Variants in ABCC2 observed in about 807,000 individuals in gnomAD.
ABCC2 encodes ATP-binding cassette sub-family C member 2.
In ABCC2, 157 loss-of-function variants were observed where a neutral mutation model predicts 173.4. The observed-to-expected ratio is 0.91, with a 90% CI of 0.80 to 1.03. The LOEUF is 1.03. Ranked by LOEUF, ABCC2 falls within the 50% of genes least tolerant of loss-of-function variation. The pLI is 0.00. For missense variants in ABCC2, 1,822 were observed against 1,852.3 expected, an observed-to-expected ratio of 0.98 and a Z score of 0.30; for synonymous variants, 657 against 693.5, an observed-to-expected ratio of 0.95 and a Z score of 0.83.
chr10:99,801,080 G>T (rs1318292811), intron 9 of ABCC2, among the ~76,000 whole-genome samples: 1 of 152,106 alleles, frequency 6.6e-6, no homozygotes, highest in Non-Finnish European at 1.5e-5. Context: ...AACCTTTAGT[G>T]CTAACCTAAA....
chr10:99,844,671 G>A (rs561376690), intron 28 of ABCC2, among the ~76,000 whole-genome samples: 2 of 152,192 alleles, frequency 1.3e-5, no homozygotes, highest in East Asian at 3.9e-4. Flanking sequence ...CGCAGCTGTC[G>A]GGGCCTTCTG....
In ABCC2 at chr10:99,797,328, C is replaced by T; in HGVS notation, c.864C>T (p.Val288=). ...KNQSQSQDAL[V]LEDVEKKKKK... is the part of the protein sequence containing the mutation. ...AGAGTCAAAGCCAAGATGCCCTTGT[C>T]CTGGTAACTTTCCCTTGAGTGTCTG... Residue 288 remains valine, a synonymous_variant, in exon 7 of 32, where the codon GTC becomes GTT. Transcript: ENST00000647814. The T allele has an allele frequency of 2.5e-6, 4 of 1,610,998 alleles. No individual in the cohort carries two copies. The highest frequency in any genetic ancestry group is 3.4e-6 in the Non-Finnish European group (4 of 1,178,670).
chr10:99,813,502 G>A (rs978210898), intron 16 of ABCC2, among the ~76,000 whole-genome samples: 11 of 152,296 alleles, frequency 7.2e-5, no homozygotes, highest in Non-Finnish European at 1.3e-4. Context: ...GATCACCTGA[G>A]GTCAGGAGTT....
intron 2 of ABCC2, among the ~76,000 whole-genome samples, chr10:99,787,693 TA>T (rs1186588768): frequency 1.0e-5 from 1 of 98,578 alleles, no homozygotes; most frequent in Non-Finnish European, 2.2e-5. Context: ...ATCACTTCCT[TA>T]TTTTTTAATG....
intron 14 of ABCC2, 66 bp from the exon 15 acceptor site, chr10:99,811,470 G>A (rs2038211797): frequency 5.4e-6 from 8 of 1,485,470 alleles, no homozygotes; most frequent in African/African-American, 2.8e-5. Flanking sequence ...AGCGGAGAGA[G>A]ACACGTGAGG....
chr10:99,797,066 G>T, intron 6 of ABCC2, 31 bp from the exon 7 acceptor site: 3 of 1,599,602 alleles, frequency 1.9e-6, no homozygotes, highest in Middle Eastern at 1.7e-4. Context: ...CCAGCCTGGG[G>T]GTCTCAGCCT....
intron 11 of ABCC2, among the ~76,000 whole-genome samples, chr10:99,806,717 G>T (rs1590156454): frequency 1.3e-5 from 2 of 152,178 alleles, no homozygotes; most frequent in African/African-American, 4.8e-5. Flanking sequence ...AAAAATGCTT[G>T]CTTCTTTCCC....
chr10:99,817,585 T>C, intron 17 of ABCC2, 101 bp downstream of exon 17: 1 of 1,287,512 alleles, frequency 7.8e-7, no homozygotes, highest in Non-Finnish European at 1.1e-6. Flanking sequence ...AGTTGATTAA[T>C]TTAGGTAGTC....
intron 16 of ABCC2, among the ~76,000 whole-genome samples, chr10:99,816,408 C>T (rs942837226): frequency 3.3e-5 from 5 of 152,112 alleles, no homozygotes; most frequent in East Asian, 1.9e-4. Context: ...CTCAGCCTCC[C>T]GAGTAGCTGG....
rs2038098238 is a variant in ABCC2, at chr10:99,806,079, G to GTCTC, written c.1530+633_1530+634insCTCT. ...TACTACAGTCTCTCTCTCTCTGTCT[G>GTCTC]TGTGTGTGTGTGTGTGTGTGTGTGT... On this transcript the variant is annotated intron_variant, in intron 11 of 31. Coordinates refer to ENST00000647814, the MANE Select transcript of ABCC2 (RefSeq NM_000392.5). Among the ~76,000 whole-genome samples the GTCTC allele has an allele frequency of 8.1e-3, 7 of 866 alleles. 1 individual carries two copies. Among genetic ancestry groups the GTCTC allele is most frequent in the African/African-American group, 0.015 (7 of 452 alleles). The allele number at this position is 866 out of a possible 152,430, so 0.6% of individuals were successfully genotyped here.
intron 16 of ABCC2, among the ~76,000 whole-genome samples, chr10:99,814,570 C>T (rs1564685394): frequency 1.8e-5 from 2 of 113,122 alleles, no homozygotes; most frequent in Admixed American, 9.0e-5. Context: ...CACATATACA[C>T]ACACATATGT....
In ABCC2 at chr10:99,811,709, T is replaced by G. The variant is rs988765899; in HGVS notation, c.1967+107T>G. ...TGCATGGGGAAATGAGCTATGTGCA[T>G]GTCTTCGGTTAGATACTAGTGCAGG... On this transcript the variant is annotated intron_variant, in intron 15 of 31. Coordinates refer to ENST00000647814, the MANE Select transcript of ABCC2 (RefSeq NM_000392.5). 3.1e-6 allele frequency: 4 copies of G among 1,287,492 alleles called. No individual in the cohort carries two copies. In the South Asian group the frequency reaches 4.9e-5, roughly 16 times the overall value. 79.8% of individuals were successfully genotyped at this position (1,287,492 alleles called of 1,614,324 possible).
At chr10:99,845,568 A>C in intron 28 of ABCC2, 56 bp from the exon 29 acceptor site, 1 of 1,605,648 alleles carries the variant, frequency 6.2e-7, no homozygotes. Context: ...CAGGCTAAAT[A>C]ACTTTTCCCC....
chr10:99,812,747 T>C (rs1386980271), intron 15 of ABCC2, among the ~76,000 whole-genome samples: 3 of 152,180 alleles, frequency 2.0e-5, no homozygotes, highest in East Asian at 3.9e-4. Flanking sequence ...AATTTTATCA[T>C]TGGAAATGCA....
chr10:99,801,468 C>A (rs2038015226), intron 9 of ABCC2, among the ~76,000 whole-genome samples: 1 of 152,140 alleles, frequency 6.6e-6, no homozygotes, highest in Non-Finnish European at 1.5e-5. Flanking sequence ...GATCTCCTGA[C>A]GTCATGATCT....
chr10:99,834,561 C>T (rs761202597), intron 24 of ABCC2, 26 bp downstream of exon 24: 24 of 1,609,122 alleles, frequency 1.5e-5, no homozygotes, highest in Non-Finnish European at 1.8e-5. Context: ...GCTAAGTCAT[C>T]CTTCCTTCCT....
At chr10:99,792,382 CCT>C in intron 3 of ABCC2, 23 bp downstream of exon 3, 1 of 1,613,124 alleles carries the variant, frequency 6.2e-7, no homozygotes, top group Non-Finnish European at 8.5e-7. Flanking sequence ...CCACTTCTGC[CCT>C]GTTTACCTTT....
rs199528736 is a variant in ABCC2 at position 99,799,322 on chromosome 10, T to C, written c.983T>C (p.Leu328Pro). Residue 328 changes from leucine to proline, a missense_variant, in exon 8 of 32, where the codon CTG (leucine) becomes CCG (proline). Physicochemically the swap from Leu to Pro is moderately conservative, Grantham distance 98. Transcript: ENST00000647814. Reference protein sequence around the residue: ...FYMVLLKSFLLKLVNDIFTFV... With the variant: ...FYMVLLKSFLPKLVNDIFTFV... Reference sequence around the variant, plus strand: ...ATGGTGCTCCTGAAATCATTCCTACTGAAGCTAGTGAATGACATCTTCACG... The same window carrying C: ...ATGGTGCTCCTGAAATCATTCCTACCGAAGCTAGTGAATGACATCTTCACG... The C allele has an allele frequency of 1.2e-6, 2 of 1,614,196 alleles. No individual in the cohort carries two copies. Among genetic ancestry groups the C allele is most frequent in the Middle Eastern group, 1.6e-4 (1 of 6,062 alleles).
rs1564688661 is a variant in ABCC2, at chr10:99,818,879, C to T, written c.2361C>T (p.Pro787=). Residue 787 remains proline (P), a synonymous_variant, in exon 18 of 32, where the codon CCC becomes CCT. Coordinates refer to ENST00000647814, the MANE Select transcript of ABCC2 (RefSeq NM_000392.5). ...QNLDIYLLDD[P]LSAVDAHVGK... is the part of the protein sequence containing the mutation. Reference sequence around the variant, plus strand: ...TAGACATCTATCTTCTAGATGACCCCCTGTCTGCAGTGGATGCTCATGTAG... The same window carrying T: ...TAGACATCTATCTTCTAGATGACCCTCTGTCTGCAGTGGATGCTCATGTAG... 6.2e-7 allele frequency: 1 copy of T among 1,614,162 alleles called. No individual in the cohort carries two copies. Among genetic ancestry groups the T allele is most frequent in the East Asian group, 2.2e-5 (1 of 44,886 alleles).
Sources: gnomAD v4.1 joint callset for allele counts (sites outside exome capture counted in the v4.1 genomes callset) on GRCh38, gnomAD v4.1.1 for gene constraint, MANE v1.5 for transcripts, NCBI Gene and HGNC (gene_info 2026-07-23, HGNC 2026-07-21) for gene names.